EYS: variants seen among roughly 807,000 people sequenced by gnomAD.
The protein encoded by EYS is EGF-like photoreceptor maintenance factor.
EYS carries 250 observed loss-of-function variants against 282.1 expected under a neutral mutation model. The observed-to-expected ratio is 0.89, with a 90% CI of 0.80 to 0.98. EYS has a LOEUF of 0.98. Among genes scored for constraint, EYS ranks in the 50% least tolerant of loss-of-function variants. EYS has a pLI of 0.00. For synonymous variants in EYS, 1,355 were observed against 1,282.9 expected (o/e 1.06, Z -1.20); for missense variants, 4,016 against 3,709.0 (o/e 1.08, Z -2.15).
Position 65,121,814 on chromosome 6 carries a change from A to T in EYS, c.2024-64087T>A, listed in dbSNP as rs1775560934. 3.9e-5 allele frequency among the ~76,000 whole-genome samples: 6 copies of T among 152,292 alleles called. No homozygotes were observed. In the South Asian group the frequency reaches 1.2e-3, roughly 32 times the overall value. On this transcript the variant is annotated intron_variant, in intron 12 of 42. Coordinates refer to ENST00000503581, the MANE Select transcript of EYS (RefSeq NM_001142800.2). ...TAGGCTATAGTATCTCAAAGCCCCT[A>T]GGTAAAATTTAAAGCAGAACACAAT...
intron 29 of EYS, among the ~76,000 whole-genome samples, chr6:64,321,779 G>T (rs965799625): frequency 6.6e-6 from 1 of 151,718 alleles, no homozygotes; most frequent in East Asian, 1.9e-4. Context: ...AGAAAAAATT[G>T]GATGGTAATT....
chr6:63,722,233 A>C (rs1211901507), intron 42 of EYS, among the ~76,000 whole-genome samples: 3 of 152,046 alleles, frequency 2.0e-5, no homozygotes, highest in Non-Finnish European at 4.4e-5. Flanking sequence ...TCTTTACTTC[A>C]ACAACACTGA....
At chr6:64,802,300 C>T (rs34991602) in intron 22 of EYS, among the ~76,000 whole-genome samples, 33,218 of 151,632 alleles carry the variant, frequency 0.22, 3,946 homozygotes, top group South Asian at 0.28. Flanking sequence ...ATCCATCCGC[C>T]TCGGCTTCCC....
intron 2 of EYS, among the ~76,000 whole-genome samples, chr6:65,496,218 G>C (rs962187093): frequency 2.6e-5 from 4 of 151,742 alleles, no homozygotes; most frequent in African/African-American, 9.7e-5. Context: ...GGAAAAGAAA[G>C]TCAAAAAGCA....
chr6:64,437,272 T>G (rs1403833497), intron 27 of EYS, among the ~76,000 whole-genome samples: 1 of 151,784 alleles, frequency 6.6e-6, no homozygotes, highest in Non-Finnish European at 1.5e-5. Flanking sequence ...TAGCCACTAC[T>G]TTCCCTATCA....
intron 19 of EYS, among the ~76,000 whole-genome samples, chr6:64,857,594 T>C (rs1426254166): frequency 2.0e-5 from 3 of 152,202 alleles, no homozygotes; most frequent in Non-Finnish European, 4.4e-5. Flanking sequence ...TTTTAACATA[T>C]TGATTTCCAT....
At chr6:65,074,903 A>T (rs1013479555) in intron 12 of EYS, among the ~76,000 whole-genome samples, 34 of 152,094 alleles carry the variant, frequency 2.2e-4, no homozygotes, top group African/African-American at 7.7e-4. Context: ...ACGTTCACAT[A>T]AGATTACTCC....
chr6:65,093,839 A>T (rs1774644277), intron 12 of EYS, among the ~76,000 whole-genome samples: 1 of 151,740 alleles, frequency 6.6e-6, no homozygotes. Flanking sequence ...AGAGTGCCTG[A>T]ATAGATTTTT....
intron 36 of EYS, among the ~76,000 whole-genome samples, chr6:63,817,839 A>G (rs1455287607): frequency 6.6e-6 from 1 of 152,112 alleles, no homozygotes; most frequent in Non-Finnish European, 1.5e-5. Context: ...GTGGTGATGC[A>G]AGTCATCATT....
chr6:63,992,692 A>G (rs1200185153), intron 34 of EYS, among the ~76,000 whole-genome samples: 1 of 151,850 alleles, frequency 6.6e-6, no homozygotes, highest in Admixed American at 6.6e-5. Flanking sequence ...AAAGTCACAA[A>G]GGAAGAAAGC....
At position 64,617,470 on chromosome 6, in the gene EYS, A is replaced by T; in HGVS notation, c.3632T>A (p.Leu1211His). Residue 1211 changes from leucine to histidine, a missense_variant, in exon 24 of 43, where the codon CTC becomes CAC. Leu to His is a moderately conservative substitution (Grantham distance 99, BLOSUM62 -3). Transcript: ENST00000503581. ...ECIPNSCVHE[L>H]CMENEPGSTC... is the part of the protein sequence containing the mutation. Reference sequence around the variant, plus strand: ...CGAGCCAGGTTCATTCTCCATGCAGAGTTCATGAACACATGAGTTGGGAAT... The same window carrying T: ...CGAGCCAGGTTCATTCTCCATGCAGTGTTCATGAACACATGAGTTGGGAAT... 6.4e-7 allele frequency: 1 copy of T among 1,550,978 alleles called. No individual in the cohort carries two copies. Among genetic ancestry groups the T allele is most frequent in the Non-Finnish European group, 8.7e-7 (1 of 1,146,444 alleles).
intron 29 of EYS, among the ~76,000 whole-genome samples, chr6:64,339,485 T>C (rs371634933): frequency 1.3e-5 from 2 of 151,908 alleles, no homozygotes; most frequent in African/African-American, 4.8e-5. Context: ...ACAGTGGATG[T>C]TGGAGTGATG....
intron 29 of EYS, among the ~76,000 whole-genome samples, chr6:64,330,833 G>A (rs1297167602): frequency 6.6e-6 from 1 of 152,178 alleles, no homozygotes; most frequent in African/African-American, 2.4e-5. Context: ...TAACCTTAGA[G>A]ACTGTGAATA....
rs1770914299 is a variant in EYS, at chr6:64,704,501, C to CTTAAATTATATTATAA, written c.3444-78257_3444-78256insTTATAATATAATTTAA. Among the ~76,000 whole-genome samples the CTTAAATTATATTATAA allele has an allele frequency of 2.5e-4, 3 of 11,984 alleles. No homozygotes were observed. The South Asian group carries it at 0.019, about 78-fold the overall frequency. The allele number at this position is 11,984 out of a possible 152,430, so 7.9% of individuals were successfully genotyped here. A position where few individuals can be genotyped will look rare whatever the true frequency, so the allele number is the denominator to read the frequency against. ...ATTATATTATAATTATAATATAATA[C>CTTAAATTATATTATAA]TTATAATAATATTATAATTATAATA... is the stretch of plus-strand genomic sequence containing the variant. On this transcript the variant is annotated intron_variant, in intron 22 of 42. Coordinates refer to ENST00000503581, the MANE Select transcript of EYS (RefSeq NM_001142800.2).
intron 2 of EYS, among the ~76,000 whole-genome samples, chr6:65,503,128 C>A (rs1403346209): frequency 6.6e-6 from 1 of 151,606 alleles, no homozygotes; most frequent in Admixed American, 6.6e-5. Context: ...TGCATCTTTG[C>A]CAGCAGTAGC....
intron 18 of EYS, among the ~76,000 whole-genome samples, chr6:64,890,870 T>C (rs1055803080): frequency 1.3e-5 from 2 of 152,170 alleles, no homozygotes; most frequent in Non-Finnish European, 2.9e-5. Flanking sequence ...CTTCTAAGAA[T>C]GCTTTGCTTC....
At chr6:63,967,937 C>G (rs1766382408) in intron 35 of EYS, among the ~76,000 whole-genome samples, 1 of 152,108 alleles carries the variant, frequency 6.6e-6, no homozygotes, top group South Asian at 2.1e-4. Flanking sequence ...TGATGTGCCT[C>G]AAATCGCATA....
rs372610386 is a variant in EYS, at chr6:65,690,667, G to A, written c.-448+16468C>T. On this transcript the variant is annotated intron_variant, in intron 1 of 42. Coordinates refer to ENST00000503581, the MANE Select transcript of EYS (RefSeq NM_001142800.2). Reference sequence around the variant, plus strand: ...TTTTATTCCGTAGCAATAGTTTCACGGGGTCTGCCTACATCAACCCATCAT... The same window carrying A: ...TTTTATTCCGTAGCAATAGTTTCACAGGGTCTGCCTACATCAACCCATCAT... Among the ~76,000 whole-genome samples, 4 of 149,208 alleles carry A rather than the reference G, an allele frequency of 2.7e-5. 1 individual carries two copies. Among genetic ancestry groups the A allele is most frequent in the South Asian group, 2.2e-4 (1 of 4,618 alleles).
At chr6:64,569,740 CA>C (rs57963403) in intron 26 of EYS, among the ~76,000 whole-genome samples, 10 of 143,166 alleles carry the variant, frequency 7.0e-5, no homozygotes, top group East Asian at 4.1e-4. Context: ...GACTCCATTT[CA>C]AAAAAAAAAG....
Sources: gnomAD v4.1 joint callset for allele counts (sites outside exome capture counted in the v4.1 genomes callset) on GRCh38, gnomAD v4.1.1 for gene constraint, MANE v1.5 for transcripts, NCBI Gene and HGNC (gene_info 2026-07-23, HGNC 2026-07-21) for gene names.